Variants in KRTAP4-5 observed in about 807,000 individuals in gnomAD.
KRTAP4-5 encodes keratin-associated protein 4-5.
For synonymous variants in KRTAP4-5, 73 were observed against 83.6 expected, an observed-to-expected ratio of 0.87 and a Z score of 0.69; for missense variants, 199 against 233.7, an observed-to-expected ratio of 0.85 and a Z score of 0.97.
rs1381205811 is a variant in KRTAP4-5 at position 41,149,238 on chromosome 17, G to A, written c.530C>T (p.Ala177Val). Residue 177 changes from alanine to valine, a missense_variant, in exon 1 of 1, where the codon GCC becomes GTC. Transcript: ENST00000343246. ...ISTCPRPLCCASSCC is the reference protein window; with the variant it reads ...ISTCPRPLCCVSSCC ...AAGGAGACATTAGCAGCAAGAGGAG[G>A]CACAGCACAAGGGGCGGGGGCAGGT... 1 of 1,604,694 alleles carries A rather than the reference G, an allele frequency of 6.2e-7. No homozygotes were observed. Among genetic ancestry groups the A allele is most frequent in the African/African-American group, 1.3e-5 (1 of 74,910 alleles).
rs761585202 is a variant in KRTAP4-5, at chr17:41,149,333, G to A, written c.435C>T (p.Cys145=). 14 of 1,612,666 alleles carry A rather than the reference G, an allele frequency of 8.7e-6. No homozygotes were observed. Among genetic ancestry groups the A allele is most frequent in the South Asian group, 3.3e-5 (3 of 90,946 alleles). ...CCESSCCRPC[C]CVRPVCGRVS... The stretch of plus-strand genomic sequence containing the variant: ...CTCGGCCACAGACTGGACGCACGCA[G>A]CAGCAGGGGCGGCAGCAGCTGGATT... The change falls in exon 1 of 1, where the codon TGC becomes TGT. Residue 145 remains cysteine, a synonymous_variant. Transcript: ENST00000343246.
At position 41,149,430 on chromosome 17, in the gene KRTAP4-5, G is replaced by C; in HGVS notation, c.338C>G (p.Ser113Cys). Residue 113 changes from serine to cysteine, a missense_variant, in exon 1 of 1, where the codon TCT (serine) becomes TGT (cysteine). By Grantham distance (112) the Ser-to-Cys change is moderately radical. Coordinates refer to ENST00000343246, the MANE Select transcript of KRTAP4-5 (RefSeq NM_033188.4). ...GCAGCAAGTGGGCTGGCAGCACACA[G>C]ACTGGCAGCACTGGGGTCTGCAGCA... The part of the protein sequence containing the change: ...SSCCRPQCCQ[S>C]VCCQPTCCRP... The C allele has an allele frequency of 6.2e-7, 1 of 1,613,236 alleles. No homozygotes were observed. The highest frequency in any genetic ancestry group is 1.1e-5 in the South Asian group (1 of 91,026).
chr17:41,149,183 T>G lies in KRTAP4-5; in HGVS notation c.*39A>C. ...GCTACAGTGCATTTTAAATGACTAA[T>G]GAAGACATTCATAGTATGACAAATA... is the stretch of plus-strand genomic sequence containing the variant. On this transcript the variant is annotated 3_prime_UTR_variant, in exon 1 of 1. Transcript: ENST00000343246. 6.5e-7 allele frequency: 1 copy of G among 1,537,268 alleles called. No individual in the cohort carries two copies. Among genetic ancestry groups the G allele is most frequent in the East Asian group, 2.4e-5 (1 of 41,738 alleles).
Position 41,149,514 on chromosome 17 carries a change from CAGGTGGTCT to C in KRTAP4-5, c.245_253del (p.Gln82_Cys85delinsArg), listed in dbSNP as rs2014808118. 6.6e-7 allele frequency: 1 copy of C among 1,516,314 alleles called. No individual in the cohort carries two copies. Among genetic ancestry groups the C allele is most frequent in the Non-Finnish European group, 8.9e-7 (1 of 1,124,240 alleles). 93.9% of individuals were successfully genotyped at this position (1,516,314 alleles called of 1,614,324 possible). Reference sequence around the variant, plus strand: ...GGTCCTGCAGCAGGTGGTCCTGCAGCAGGTGGTCTGGCAGCAGCAGGGGCGGCAGCAGCT... The same window carrying C: ...GGTCCTGCAGCAGGTGGTCCTGCAGCGGCAGCAGCAGGGGCGGCAGCAGCT... On this transcript the variant is annotated inframe_deletion, in exon 1 of 1. Coordinates refer to ENST00000343246, the MANE Select transcript of KRTAP4-5 (RefSeq NM_033188.4).
Position 41,149,200 on chromosome 17 carries a change from T to A in KRTAP4-5, c.*22A>T, listed in dbSNP as rs763857236. Reference sequence around the variant, plus strand: ...ATGACTAATGAAGACATTCATAGTATGACAAATATCACAAGGAGACATTAG... The same window carrying A: ...ATGACTAATGAAGACATTCATAGTAAGACAAATATCACAAGGAGACATTAG... On this transcript the variant is annotated 3_prime_UTR_variant, in exon 1 of 1. Transcript: ENST00000343246. The A allele has an allele frequency of 1.9e-6, 3 of 1,569,188 alleles. No homozygotes were observed. The African/African-American group carries it at 4.0e-5, about 21-fold the overall frequency.
chr17:41,149,739 C>A lies in KRTAP4-5; in HGVS notation c.29G>T (p.Ser10Ile). 1 of 1,612,414 alleles carries A rather than the reference C, an allele frequency of 6.2e-7. No individual in the cohort carries two copies. The highest frequency in any genetic ancestry group is 1.1e-5 in the South Asian group (1 of 90,866). ...CTCCAGGCCACAGCTCTGCTCAGAG[C>A]TGACAGAGCCACAACAGGAGCTGAC... MVSSCCGSVSSEQSCGLENC... is the reference protein window; with the variant it reads MVSSCCGSVISEQSCGLENC... The change falls in exon 1 of 1, where the codon AGC becomes ATC. Residue 10 changes from serine (S) to isoleucine (I), a missense_variant. Coordinates refer to ENST00000343246, the MANE Select transcript of KRTAP4-5 (RefSeq NM_033188.4).
At position 41,149,477 on chromosome 17, in the gene KRTAP4-5, G is replaced by A. The variant is rs148561502; in HGVS notation, c.291C>T (p.Cys97=). Residue 97 remains cysteine, a synonymous_variant, in exon 1 of 1, where the codon TGC becomes TGT. Coordinates refer to ENST00000343246, the MANE Select transcript of KRTAP4-5 (RefSeq NM_033188.4). The part of the protein sequence containing the change: ...RTTCCRTTCC[C]PSCCVSSCCR... ...AGCAGCTGGACACACAGCAGCTGGG[G>A]CAGCAGCAGGTGGTCCTGCAGCAGG... 641 of 1,522,538 alleles carry A rather than the reference G, an allele frequency of 4.2e-4. 2 individuals carry two copies. In the African/African-American group the frequency reaches 7.8e-3, roughly 19 times the overall value. 94.3% of individuals were successfully genotyped at this position (1,522,538 alleles called of 1,614,324 possible). A position where few individuals can be genotyped will look rare whatever the true frequency, so the allele number is the denominator to read the frequency against.
chr17:41,149,237 G>A lies in KRTAP4-5; in HGVS notation c.531C>T (p.Ala177=), dbSNP rs1313821408. 4 of 1,604,744 alleles carry A rather than the reference G, an allele frequency of 2.5e-6. No individual in the cohort carries two copies. Residue 177 remains alanine (A), a synonymous_variant, in exon 1 of 1, where the codon GCC becomes GCT. Coordinates refer to ENST00000343246, the MANE Select transcript of KRTAP4-5 (RefSeq NM_033188.4). ...CAAGGAGACATTAGCAGCAAGAGGAGGCACAGCACAAGGGGCGGGGGCAGG... is the reference window on the plus strand; with the variant it reads ...CAAGGAGACATTAGCAGCAAGAGGAAGCACAGCACAAGGGGCGGGGGCAGG... ...ISTCPRPLCC[A]SSCC is the part of the protein sequence containing the mutation.
In KRTAP4-5 at chr17:41,148,988, C is replaced by T. The variant is rs1226670349; in HGVS notation, c.*234G>A. 1.4e-6 allele frequency: 1 copy of T among 722,620 alleles called. No homozygotes were observed. Among genetic ancestry groups the T allele is most frequent in the Non-Finnish European group, 2.3e-6 (1 of 440,114 alleles). The allele number at this position is 722,620 out of a possible 1,614,324, so 44.8% of individuals were successfully genotyped here. On this transcript the variant is annotated 3_prime_UTR_variant, in exon 1 of 1. Coordinates refer to ENST00000343246, the MANE Select transcript of KRTAP4-5 (RefSeq NM_033188.4). ...TATATGAGATCATCACAGTTAGTGTCCCCTTCGAATGAAGACACTGCTCAT... is the reference window on the plus strand; with the variant it reads ...TATATGAGATCATCACAGTTAGTGTTCCCTTCGAATGAAGACACTGCTCAT...
Position 41,149,039 on chromosome 17 carries a change from G to T in KRTAP4-5, c.*183C>A. On this transcript the variant is annotated 3_prime_UTR_variant, in exon 1 of 1. Coordinates refer to ENST00000343246, the MANE Select transcript of KRTAP4-5 (RefSeq NM_033188.4). ...CTAAAAATAACTGCATTGGGGCCTG[G>T]CATAACATATTTTAATGAATGTGAT... is the stretch of plus-strand genomic sequence containing the variant. 8.9e-7 allele frequency: 1 copy of T among 1,120,092 alleles called. No individual in the cohort carries two copies. The highest frequency in any genetic ancestry group is 1.3e-6 in the Non-Finnish European group (1 of 799,070). The allele number at this position is 1,120,092 out of a possible 1,614,324, so 69.4% of individuals were successfully genotyped here.
In KRTAP4-5 at chr17:41,148,963, T is replaced by C; in HGVS notation, c.*259A>G. ...GTTTATTAATACATGAAAACAATAT[T>C]ATATGAGATCATCACAGTTAGTGTC... On this transcript the variant is annotated 3_prime_UTR_variant, in exon 1 of 1. Coordinates refer to ENST00000343246, the MANE Select transcript of KRTAP4-5 (RefSeq NM_033188.4). The C allele has an allele frequency of 1.5e-6, 1 of 660,300 alleles. No homozygotes were observed. The highest frequency in any genetic ancestry group is 2.6e-6 in the Non-Finnish European group (1 of 390,718). 40.9% of individuals were successfully genotyped at this position (660,300 alleles called of 1,614,324 possible).
rs1279189798 is a variant in KRTAP4-5, at chr17:41,149,401, G to A, written c.367C>T (p.Pro123Ser). Residue 123 changes from proline (P) to serine (S), a missense_variant, in exon 1 of 1, where the codon CCC becomes TCC. Coordinates refer to ENST00000343246, the MANE Select transcript of KRTAP4-5 (RefSeq NM_033188.4). ...CAGCAGCTGGAGATGCAGCAGCTGG[G>A]ACGGCAGCAAGTGGGCTGGCAGCAC... ...SVCCQPTCCR[P>S]SCCISSCCHP... The A allele has an allele frequency of 1.2e-6, 2 of 1,613,104 alleles. No individual in the cohort carries two copies. Among genetic ancestry groups the A allele is most frequent in the African/African-American group, 2.7e-5 (2 of 74,816 alleles).
chr17:41,149,781 G>T lies in KRTAP4-5; in HGVS notation c.-14C>A. The stretch of plus-strand genomic sequence containing the variant: ...GGAGCTGACCATGGTGTCAGAGGGT[G>T]GAGGTTCTGGGTGGATTTCTAGAAG... On this transcript the variant is annotated 5_prime_UTR_variant, in exon 1 of 1. Transcript: ENST00000343246. 6.3e-7 allele frequency: 1 copy of T among 1,590,980 alleles called. No homozygotes were observed. The highest frequency in any genetic ancestry group is 8.6e-7 in the Non-Finnish European group (1 of 1,167,490).
Position 41,149,279 on chromosome 17 carries a change from T to C in KRTAP4-5, c.489A>G (p.Pro163=). ...GGGGGCAGGTGGAGATGACACAGGTTGGGCGATAGCAAGTGGTGTGGCAGG... is the reference window on the plus strand; with the variant it reads ...GGGGGCAGGTGGAGATGACACAGGTCGGGCGATAGCAAGTGGTGTGGCAGG... ...RVSCHTTCYR[P]TCVISTCPRP... Residue 163 remains proline (P), a synonymous_variant, in exon 1 of 1, where the codon CCA becomes CCG. Coordinates refer to ENST00000343246, the MANE Select transcript of KRTAP4-5 (RefSeq NM_033188.4). 1 of 1,610,446 alleles carries C rather than the reference T, an allele frequency of 6.2e-7. No individual in the cohort carries two copies. The highest frequency in any genetic ancestry group is 8.5e-7 in the Non-Finnish European group (1 of 1,178,242).
rs1480521163 is a variant in KRTAP4-5 at position 41,149,194 on chromosome 17, A to G, written c.*28T>C. On this transcript the variant is annotated 3_prime_UTR_variant, in exon 1 of 1. Coordinates refer to ENST00000343246, the MANE Select transcript of KRTAP4-5 (RefSeq NM_033188.4). ...TTTTAAATGACTAATGAAGACATTC[A>G]TAGTATGACAAATATCACAAGGAGA... is the stretch of plus-strand genomic sequence containing the variant. 6.4e-7 allele frequency: 1 copy of G among 1,559,306 alleles called. No individual in the cohort carries two copies. The highest frequency in any genetic ancestry group is 1.9e-5 in the Admixed American group (1 of 52,322).
rs758382832 is a variant in KRTAP4-5 at position 41,149,245 on chromosome 17, A to G, written c.523T>C (p.Cys175Arg). The G allele has an allele frequency of 6.2e-7, 1 of 1,606,632 alleles. No individual in the cohort carries two copies. The change falls in exon 1 of 1, where the codon TGC (cysteine) becomes CGC (arginine). Residue 175 changes from cysteine (C) to arginine (R), a missense_variant. By Grantham distance (180) the Cys-to-Arg change is radical. Coordinates refer to ENST00000343246, the MANE Select transcript of KRTAP4-5 (RefSeq NM_033188.4). ...CVISTCPRPLCCASSCC is the reference protein window; with the variant it reads ...CVISTCPRPLRCASSCC Reference sequence around the variant, plus strand: ...CATTAGCAGCAAGAGGAGGCACAGCACAAGGGGCGGGGGCAGGTGGAGATG... The same window carrying G: ...CATTAGCAGCAAGAGGAGGCACAGCGCAAGGGGCGGGGGCAGGTGGAGATG...
Position 41,149,029 on chromosome 17 carries a change from T to A in KRTAP4-5, c.*193A>T, listed in dbSNP as rs1199179088. The A allele has an allele frequency of 3.7e-5, 38 of 1,016,882 alleles. No homozygotes were observed. The highest frequency in any genetic ancestry group is 4.7e-5 in the Non-Finnish European group (33 of 705,550). 63.0% of individuals were successfully genotyped at this position (1,016,882 alleles called of 1,614,324 possible). A position where few individuals can be genotyped will look rare whatever the true frequency, so the allele number is the denominator to read the frequency against. ...CACTGCTCATCTAAAAATAACTGCA[T>A]TGGGGCCTGGCATAACATATTTTAA... On this transcript the variant is annotated 3_prime_UTR_variant, in exon 1 of 1. Coordinates refer to ENST00000343246, the MANE Select transcript of KRTAP4-5 (RefSeq NM_033188.4).
In KRTAP4-5 at chr17:41,148,924, T is replaced by G; in HGVS notation, c.*298A>C. ...ACTAACAAATCAGAAGATTTCAATA[T>G]TAGGGAAGTGGCTGTTTATTAATAC... On this transcript the variant is annotated 3_prime_UTR_variant, in exon 1 of 1. Coordinates refer to ENST00000343246, the MANE Select transcript of KRTAP4-5 (RefSeq NM_033188.4). The G allele has an allele frequency of 1.8e-6, 1 of 544,220 alleles. No homozygotes were observed. Among genetic ancestry groups the G allele is most frequent in the African/African-American group, 1.9e-5 (1 of 53,012 alleles). 33.7% of individuals were successfully genotyped at this position (544,220 alleles called of 1,614,324 possible).
rs770932415 is a variant in KRTAP4-5 at position 41,149,690 on chromosome 17, G to A, written c.78C>T (p.Cys26=). ...GLENCCRPSC[C]QTTCCRTTCC... The stretch of plus-strand genomic sequence containing the variant: ...AGGTGGTCCTGCAGCAGGTGGTCTG[G>A]CAGCAGCTGGGGCGGCAGCAGTTCT... The change falls in exon 1 of 1, where the codon TGC becomes TGT. Residue 26 remains cysteine (C), a synonymous_variant. Transcript: ENST00000343246. 3.1e-6 allele frequency: 5 copies of A among 1,610,904 alleles called. No homozygotes were observed. The Admixed American group carries it at 6.7e-5, about 22-fold the overall frequency.
Sources: allele counts gnomAD v4.1 joint callset, GRCh38; gene constraint gnomAD v4.1.1; transcripts MANE v1.5; gene names NCBI Gene and HGNC (gene_info 2026-07-23, HGNC 2026-07-21).